Variants in CEP55 observed in about 807,000 individuals in gnomAD.
The protein encoded by CEP55 is centrosomal protein 55, also known as centrosomal protein of 55 kDa.
CEP55 carries 57 observed loss-of-function variants against 63.2 expected under a neutral mutation model. That is an observed-to-expected ratio of 0.90 (90% CI 0.73 to 1.13). CEP55 has a LOEUF of 1.13. Among genes scored for constraint, CEP55 ranks in the 50% most tolerant of loss-of-function variants. The probability of loss-of-function intolerance (pLI) is 0.00; values close to 1 mark genes in which losing one functional copy is unlikely to be tolerated. For synonymous variants in CEP55, 178 were observed against 191.6 expected (o/e 0.93, Z 0.59); for missense variants, 456 against 518.9 (o/e 0.88, Z 1.18).
chr10:93,511,531 C>T (rs1278494859), intron 4 of CEP55, among the ~76,000 whole-genome samples: 3 of 152,184 alleles, frequency 2.0e-5, no homozygotes, highest in South Asian at 4.1e-4. Flanking sequence ...AGAATACTAC[C>T]CCTTGAATCT....
rs1310022277 is a variant in CEP55 at position 93,496,696 on chromosome 10, A to C, written c.-240A>C. 2 of 152,248 alleles carry C rather than the reference A, an allele frequency of 1.3e-5. No homozygotes were observed. Among genetic ancestry groups the C allele is most frequent in the African/African-American group, 4.8e-5 (2 of 41,462 alleles). 9.4% of individuals were successfully genotyped at this position (152,248 alleles called of 1,614,324 possible). On this transcript the variant is annotated 5_prime_UTR_variant, in exon 1 of 9. Coordinates refer to ENST00000371485, the MANE Select transcript of CEP55 (RefSeq NM_018131.5). ...CTTCGCTTCAGCTGCTAGCTGGCCCAAGGGAGGCGACCGCGGAGGGTGGCG... is the reference window on the plus strand; with the variant it reads ...CTTCGCTTCAGCTGCTAGCTGGCCCCAGGGAGGCGACCGCGGAGGGTGGCG...
At chr10:93,500,387 C>T (rs550458551) in intron 2 of CEP55, among the ~76,000 whole-genome samples, 153 bp downstream of exon 2, 5 of 152,280 alleles carry the variant, frequency 3.3e-5, no homozygotes, top group Non-Finnish European at 7.4e-5. Flanking sequence ...ATCTTAAATT[C>T]CTACTTTGAC....
chr10:93,506,088 G>A (rs1037155345), intron 3 of CEP55, among the ~76,000 whole-genome samples: 4 of 151,430 alleles, frequency 2.6e-5, no homozygotes, highest in African/African-American at 9.7e-5. Flanking sequence ...GGGACTACAG[G>A]TGCGCTACCA....
At chr10:93,500,316 C>A in intron 2 of CEP55, 82 bp downstream of exon 2, 1 of 1,155,660 alleles carries the variant, frequency 8.7e-7, no homozygotes, top group Non-Finnish European at 1.3e-6. Flanking sequence ...CCTTCTTACT[C>A]TTGCCGTGTT....
intron 4 of CEP55, among the ~76,000 whole-genome samples, chr10:93,515,151 G>C (rs1381468805): frequency 6.6e-6 from 1 of 152,190 alleles, no homozygotes; most frequent in Non-Finnish European, 1.5e-5. Flanking sequence ...AGTTTACAGA[G>C]AATGACATAT....
chr10:93,503,838 A>G (rs1405016033), intron 3 of CEP55, among the ~76,000 whole-genome samples: 8 of 152,248 alleles, frequency 5.3e-5, no homozygotes, highest in African/African-American at 1.9e-4. Context: ...AAGAACAAGG[A>G]TACAGAAATA....
chr10:93,527,880 A>G, intron 8 of CEP55, 70 bp from the exon 9 acceptor site: 3 of 1,353,830 alleles, frequency 2.2e-6, no homozygotes, highest in Non-Finnish European at 3.0e-6. Context: ...GACTGCCTCA[A>G]AAAAAGAAAA....
At chr10:93,503,780 C>T (rs535749380) in intron 3 of CEP55, among the ~76,000 whole-genome samples, 5 of 152,214 alleles carry the variant, frequency 3.3e-5, no homozygotes, top group African/African-American at 1.2e-4. Context: ...TTCCTAACTG[C>T]ACTTGCATTT....
intron 4 of CEP55, among the ~76,000 whole-genome samples, chr10:93,507,772 C>G (rs1380843048): frequency 6.6e-6 from 1 of 151,954 alleles, no homozygotes; most frequent in Non-Finnish European, 1.5e-5. Flanking sequence ...CCTCAGCCTC[C>G]CAAGTACCTG....
rs188750807 is a variant in CEP55 at position 93,497,797 on chromosome 10, A to G, written c.-13+874A>G. ...TGCTGAGGAAGGTTTGAACTGGGGGAACCCTGTGGATGACTGGAATAGGAA... is the reference window on the plus strand; with the variant it reads ...TGCTGAGGAAGGTTTGAACTGGGGGGACCCTGTGGATGACTGGAATAGGAA... On this transcript the variant is annotated intron_variant, in intron 1 of 8. Coordinates refer to ENST00000371485, the MANE Select transcript of CEP55 (RefSeq NM_018131.5). Among the ~76,000 whole-genome samples the G allele has an allele frequency of 7.7e-3, 1,176 of 151,900 alleles. 21 individuals are homozygous for G. Among genetic ancestry groups the G allele is most frequent in the African/African-American group, 0.027 (1,129 of 41,408 alleles).
chr10:93,509,182 T>C (rs1289937651), intron 4 of CEP55, among the ~76,000 whole-genome samples: 1 of 152,198 alleles, frequency 6.6e-6, no homozygotes, highest in African/African-American at 2.4e-5. Context: ...GATTCTTTTT[T>C]ATGAAATTAA....
chr10:93,503,433 T>C (rs1422394399), intron 3 of CEP55, 45 bp downstream of exon 3: 1 of 1,547,062 alleles, frequency 6.5e-7, no homozygotes, highest in South Asian at 1.2e-5. Context: ...TTCTTTCTGA[T>C]ACAGTTTGTA....
chr10:93,524,700 G>A (rs932410830), intron 8 of CEP55, among the ~76,000 whole-genome samples: 6 of 152,068 alleles, frequency 3.9e-5, no homozygotes, highest in Admixed American at 2.6e-4. Context: ...ATAAAATACT[G>A]GCAAACCAAA....
At chr10:93,499,537 T>G (rs1316635643) in intron 1 of CEP55, among the ~76,000 whole-genome samples, 1 of 150,258 alleles carries the variant, frequency 6.7e-6, no homozygotes, top group Non-Finnish European at 1.5e-5. Flanking sequence ...TTTTTTTTTT[T>G]TTGAGACGGA....
At chr10:93,525,907 C>T (rs1453852602) in intron 8 of CEP55, among the ~76,000 whole-genome samples, 1 of 152,040 alleles carries the variant, frequency 6.6e-6, no homozygotes, top group Non-Finnish European at 1.5e-5. Flanking sequence ...AAACTGGATC[C>T]CTTCCTTACA....
intron 1 of CEP55, among the ~76,000 whole-genome samples, chr10:93,497,535 G>A (rs1382061947): frequency 6.6e-6 from 1 of 152,044 alleles, no homozygotes; most frequent in Non-Finnish European, 1.5e-5. Context: ...CAGAGTGCTG[G>A]GATTACAGGC....
At chr10:93,498,330 C>T (rs12412294) in intron 1 of CEP55, among the ~76,000 whole-genome samples, 79,693 of 151,866 alleles carry the variant, frequency 0.52, 23,075 homozygotes, top group Non-Finnish European at 0.65. Context: ...TCACGTTCTG[C>T]AGATCTATAT....
chr10:93,525,945 A>C (rs1316185574), intron 8 of CEP55, among the ~76,000 whole-genome samples: 1 of 152,242 alleles, frequency 6.6e-6, no homozygotes, highest in Admixed American at 6.5e-5. Flanking sequence ...TTCAAGATGG[A>C]TTAAAGATTT....
intron 8 of CEP55, among the ~76,000 whole-genome samples, chr10:93,520,576 G>A (rs2057850591): frequency 6.6e-6 from 1 of 152,012 alleles, no homozygotes; most frequent in Non-Finnish European, 1.5e-5. Flanking sequence ...AAATAATATT[G>A]TTTCTATGAT....
Sources: gnomAD v4.1 joint callset for allele counts (sites outside exome capture counted in the v4.1 genomes callset) on GRCh38, gnomAD v4.1.1 for gene constraint, MANE v1.5 for transcripts, NCBI Gene and HGNC (gene_info 2026-07-23, HGNC 2026-07-21) for gene names.